Variants in ACAD11 observed in about 807,000 individuals in gnomAD.
ACAD11 encodes acyl-CoA dehydrogenase family member 11, also known as acyl-Coenzyme A dehydrogenase family, member 11.
ACAD11 carries 83 observed loss-of-function variants against 102.2 expected under a neutral mutation model. That is an observed-to-expected ratio of 0.81 (90% CI 0.68 to 0.97). The LOEUF is 0.97. Ranked by LOEUF, ACAD11 falls within the 50% of genes least tolerant of loss-of-function variation. The pLI, the probability that ACAD11 is intolerant of heterozygous loss-of-function variation, is 0.00. For synonymous variants in ACAD11, 324 were observed against 319.8 expected (o/e 1.01, Z -0.14); for missense variants, 901 against 951.7 (o/e 0.95, Z 0.70).
chr3:132,644,690 T>A, intron 2 of ACAD11, 107 bp downstream of exon 2: 1 of 458,402 alleles, frequency 2.2e-6, no homozygotes. Context: ...ATATATTTTA[T>A]ATTATTTGGC....
chr3:132,622,254 C>G (rs952355006), intron 9 of ACAD11, among the ~76,000 whole-genome samples: 4 of 152,072 alleles, frequency 2.6e-5, no homozygotes, highest in Admixed American at 2.6e-4. Flanking sequence ...CATGGCTAGT[C>G]TAGAGTATTG....
At chr3:132,593,473 A>G (rs914572993) in intron 13 of ACAD11, among the ~76,000 whole-genome samples, 3 of 152,222 alleles carry the variant, frequency 2.0e-5, no homozygotes, top group Admixed American at 2.0e-4. Flanking sequence ...TGGCAAGGGT[A>G]GGTAAGGGGT....
In ACAD11 at chr3:132,628,410, A is replaced by G. The variant is rs767100566; in HGVS notation, c.1000T>C (p.Ser334Pro). ...YSRYLLGNNS[S>P]EDSFLFANIV... ...TTGGCAAATAAAAAGCTATCCTCAG[A>G]TGAATTATTTCCCAGAAGATATCTG... The change falls in exon 8 of 20, where the codon TCT becomes CCT. Residue 334 changes from serine (S) to proline (P), a missense_variant. By Grantham distance (74) the Ser-to-Pro change is moderately conservative. Transcript: ENST00000264990. 12 of 1,612,850 alleles carry G rather than the reference A, an allele frequency of 7.4e-6. No individual in the cohort carries two copies. Among genetic ancestry groups the G allele is most frequent in the Non-Finnish European group, 1.0e-5 (12 of 1,179,470 alleles).
At chr3:132,628,214 T>C (rs1939899757) in intron 8 of ACAD11, 126 bp downstream of exon 8, 4 of 507,488 alleles carry the variant, frequency 7.9e-6, no homozygotes, top group African/African-American at 4.0e-5. Context: ...CAAAAATCTA[T>C]TGTGATTGGC....
intron 11 of ACAD11, among the ~76,000 whole-genome samples, chr3:132,617,751 T>C (rs554113473): frequency 2.0e-5 from 3 of 152,182 alleles, no homozygotes; most frequent in Non-Finnish European, 4.4e-5. Flanking sequence ...GCCCCTCTTA[T>C]TTGCCCTATG....
intron 13 of ACAD11, among the ~76,000 whole-genome samples, chr3:132,591,653 G>T (rs968131323): frequency 2.0e-5 from 3 of 152,150 alleles, no homozygotes; most frequent in African/African-American, 4.8e-5. Flanking sequence ...ATTTTGGGAG[G>T]CTGAAGTGGC....
chr3:132,633,536 T>C (rs1205257967), intron 5 of ACAD11, among the ~76,000 whole-genome samples: 1 of 144,534 alleles, frequency 6.9e-6, no homozygotes, highest in African/African-American at 2.9e-5. Flanking sequence ...TAAAATTCTC[T>C]TTTTTTGTTG....
chr3:132,567,956 T>C (rs986766320), intron 17 of ACAD11, among the ~76,000 whole-genome samples: 3 of 151,552 alleles, frequency 2.0e-5, no homozygotes, highest in African/African-American at 4.8e-5. Context: ...TGATTATCTA[T>C]GTAAAATCCC....
Position 132,654,590 on chromosome 3 carries a change from C to A in ACAD11, c.149+5013G>T, listed in dbSNP as rs1937680475. On this transcript the variant is annotated intron_variant, in intron 1 of 19. Coordinates refer to ENST00000264990, the MANE Select transcript of ACAD11 (RefSeq NM_032169.5). ...ATCATGGCTGAGATGCCTGCAGAAT[C>A]TCTGCCCATGAGAACTCTGAGGCCT... The A allele has an allele frequency of 2.0e-5, 3 of 152,244 alleles. No homozygotes were observed. In the South Asian group the frequency reaches 6.2e-4, roughly 32 times the overall value. The allele number at this position is 152,244 out of a possible 1,614,324, so 9.4% of individuals were successfully genotyped here.
intron 9 of ACAD11, among the ~76,000 whole-genome samples, chr3:132,624,043 A>G (rs1045159996): frequency 7.5e-6 from 1 of 132,666 alleles, no homozygotes; most frequent in Non-Finnish European, 1.6e-5. Context: ...GTTCAGGTGC[A>G]GGTGCTCACA....
intron 13 of ACAD11, among the ~76,000 whole-genome samples, chr3:132,598,200 A>T (rs1402665645): frequency 6.6e-6 from 1 of 152,224 alleles, no homozygotes; most frequent in African/African-American, 2.4e-5. Context: ...AAGAAAAAGG[A>T]AAACAAAATT....
chr3:132,566,849 C>T (rs1937228687), intron 17 of ACAD11, among the ~76,000 whole-genome samples: 1 of 152,050 alleles, frequency 6.6e-6, no homozygotes, highest in South Asian at 2.1e-4. Context: ...ACACAATAAG[C>T]AAAAATACAG....
At chr3:132,603,418 T>G (rs2305623) in intron 12 of ACAD11, 91 bp from the exon 13 acceptor site, 133,622 of 1,131,774 alleles carry the variant, frequency 0.12, 12,772 homozygotes, top group East Asian at 0.56. Flanking sequence ...CAAAGACATC[T>G]TTATCTTTTT....
At chr3:132,649,576 C>A (rs1429058844) in intron 1 of ACAD11, among the ~76,000 whole-genome samples, 2 of 152,220 alleles carry the variant, frequency 1.3e-5, no homozygotes, top group African/African-American at 4.8e-5. Context: ...TGCTGTCCTG[C>A]CACATTGCTC....
intron 11 of ACAD11, among the ~76,000 whole-genome samples, chr3:132,613,979 AG>A (rs1939287472): frequency 6.6e-6 from 1 of 152,220 alleles, no homozygotes; most frequent in Non-Finnish European, 1.5e-5. Context: ...GCAAAGTCTC[AG>A]GATACAAAAT....
At chr3:132,627,849 T>C (rs889298306) in intron 8 of ACAD11, among the ~76,000 whole-genome samples, 1 of 152,136 alleles carries the variant, frequency 6.6e-6, no homozygotes, top group African/African-American at 2.4e-5. Context: ...GCATCACACA[T>C]GCATCTGGTA....
chr3:132,578,926 AAAAT>A lies in ACAD11; in HGVS notation c.1689-49_1689-46del, dbSNP rs771334527. 4 of 1,608,578 alleles carry A rather than the reference AAAAT, an allele frequency of 2.5e-6. No homozygotes were observed. In the African/African-American group the frequency reaches 4.0e-5, roughly 16 times the overall value. On this transcript the variant is annotated intron_variant, in intron 14 of 19. Transcript: ENST00000264990. ...TATTAGAAAAAGTTTGCTAAGAAGAAAAATAAAACAGATAATAAGCAGAATCACA... is the reference window on the plus strand; with the variant it reads ...TATTAGAAAAAGTTTGCTAAGAAGAAAAAACAGATAATAAGCAGAATCACA...
Position 132,579,513 on chromosome 3 carries a change from G to A in ACAD11, c.1667C>T (p.Thr556Ile). 6.2e-7 allele frequency: 1 copy of A among 1,612,886 alleles called. No homozygotes were observed. Reference sequence around the variant, plus strand: ...TTACCTGGAGAGAGAAGTATTTTGAGTTCTTCCCAAAACAATTGCAATTTT... The same window carrying A: ...TTACCTGGAGAGAGAAGTATTTTGAATTCTTCCCAAAACAATTGCAATTTT... ...KCKIAIVLGR[T>I]QNTSLSRHKQ... The change falls in exon 14 of 20, where the codon ACT (threonine) becomes ATT (isoleucine). Residue 556 changes from threonine (T) to isoleucine (I), a missense_variant. Physicochemically the swap from Thr to Ile is moderately conservative, Grantham distance 89. Transcript: ENST00000264990.
At chr3:132,566,118 A>G (rs1409268693) in intron 17 of ACAD11, among the ~76,000 whole-genome samples, 4 of 152,164 alleles carry the variant, frequency 2.6e-5, no homozygotes, top group African/African-American at 9.7e-5. Flanking sequence ...GCAAAGAAAT[A>G]GAAGATGTAA....
Sources: gnomAD v4.1 joint callset for allele counts (sites outside exome capture counted in the v4.1 genomes callset) on GRCh38, gnomAD v4.1.1 for gene constraint, MANE v1.5 for transcripts, NCBI Gene and HGNC (gene_info 2026-07-23, HGNC 2026-07-21) for gene names.